Variants in MCTP1 observed in about 807,000 individuals in gnomAD.
The protein encoded by MCTP1 is multiple C2 and transmembrane domain-containing protein 1.
MCTP1 carries 69 observed loss-of-function variants against 120.6 expected under a neutral mutation model. That is an observed-to-expected ratio of 0.57 (90% CI 0.47 to 0.70). The LOEUF (loss-of-function observed/expected upper bound fraction) is 0.70. MCTP1 is among the 30% of genes least tolerant of loss of function. The pLI is 0.00. For missense variants in MCTP1, 1,203 were observed against 1,248.8 expected (o/e 0.96, Z 0.55); for synonymous variants, 529 against 493.1 (o/e 1.07, Z -0.96).
chr5:94,743,786 T>C (rs557942594), intron 19 of MCTP1, among the ~76,000 whole-genome samples: 61 of 151,944 alleles, frequency 4.0e-4, no homozygotes, highest in South Asian at 4.0e-3. Context: ...TACAGGCACC[T>C]GCCACCACAC....
At chr5:94,981,135 T>C (rs1417165489) in intron 2 of MCTP1, among the ~76,000 whole-genome samples, 2 of 152,132 alleles carry the variant, frequency 1.3e-5, no homozygotes, top group Non-Finnish European at 2.9e-5. Flanking sequence ...AGTATAGTGG[T>C]AGGTGGTGTG....
At chr5:94,785,572 T>TAC (rs1777497888) in intron 18 of MCTP1, among the ~76,000 whole-genome samples, 1 of 152,140 alleles carries the variant, frequency 6.6e-6, no homozygotes, top group African/African-American at 2.4e-5. Context: ...ACCACGAATC[T>TAC]ACTTTATAAA....
intron 12 of MCTP1, among the ~76,000 whole-genome samples, chr5:94,879,928 G>T (rs1459921745): frequency 1.3e-5 from 2 of 152,032 alleles, no homozygotes; most frequent in Non-Finnish European, 2.9e-5. Flanking sequence ...TTACAGAATT[G>T]TGTGTAACTA....
intron 18 of MCTP1, among the ~76,000 whole-genome samples, chr5:94,783,543 C>T (rs994774736): frequency 6.6e-6 from 1 of 151,682 alleles, no homozygotes; most frequent in East Asian, 1.9e-4. Flanking sequence ...ATTATTCTCC[C>T]GGAACAAAAA....
At chr5:95,221,576 C>T (rs1753701697) in intron 1 of MCTP1, among the ~76,000 whole-genome samples, 2 of 152,214 alleles carry the variant, frequency 1.3e-5, no homozygotes, top group African/African-American at 4.8e-5. Flanking sequence ...ACTGACATCA[C>T]CACTACCATG....
chr5:95,014,694 A>T (rs528640268), intron 2 of MCTP1, among the ~76,000 whole-genome samples: 14 of 152,242 alleles, frequency 9.2e-5, no homozygotes, highest in African/African-American at 3.4e-4. Flanking sequence ...TCTCTATTTT[A>T]TTCCTTTAGA....
intron 1 of MCTP1, among the ~76,000 whole-genome samples, chr5:95,077,073 T>C (rs1276744578): frequency 1.3e-5 from 2 of 152,222 alleles, no homozygotes; most frequent in African/African-American, 4.8e-5. Flanking sequence ...AATTGACTAA[T>C]TGTGCCAAAT....
At chr5:94,926,160 C>A (rs1813062372) in intron 6 of MCTP1, among the ~76,000 whole-genome samples, 1 of 152,032 alleles carries the variant, frequency 6.6e-6, no homozygotes, top group Admixed American at 6.6e-5. Flanking sequence ...AGACAACAAG[C>A]TTTTATTAAA....
chr5:95,202,532 C>T (rs947629528), intron 1 of MCTP1, among the ~76,000 whole-genome samples: 2 of 152,126 alleles, frequency 1.3e-5, no homozygotes, highest in Non-Finnish European at 2.9e-5. Flanking sequence ...TTGGAGAACC[C>T]TGACTAGTAC....
chr5:94,979,631 T>C (rs1828956850), intron 2 of MCTP1: 1 of 152,048 alleles, frequency 6.6e-6, no homozygotes, highest in Admixed American at 6.6e-5. Context: ...ATTTTAAGCC[T>C]GGCCTATAAA....
rs565129250 is a variant in MCTP1 at position 94,880,408 on chromosome 5, A to C, written c.1934-7167T>G. Among the ~76,000 whole-genome samples, 12 of 152,258 alleles carry C rather than the reference A, an allele frequency of 7.9e-5. No homozygotes were observed. The South Asian group carries it at 2.5e-3, about 32-fold the overall frequency. ...TAGCTGGAGAGACCTTTTGCAGTGA[A>C]ATAACTTTTTTATGCTTAAAAAAAT... On this transcript the variant is annotated intron_variant, in intron 12 of 22. Transcript: ENST00000515393.
intron 1 of MCTP1, among the ~76,000 whole-genome samples, chr5:95,025,734 G>C (rs1839139848): frequency 6.6e-6 from 1 of 152,138 alleles, no homozygotes; most frequent in African/African-American, 2.4e-5. Flanking sequence ...AGATAGACTA[G>C]TGGCTCTGGC....
At chr5:94,818,808 C>T (rs780703188) in intron 17 of MCTP1, among the ~76,000 whole-genome samples, 3 of 152,186 alleles carry the variant, frequency 2.0e-5, no homozygotes, top group Non-Finnish European at 4.4e-5. Context: ...CTAGGATGGT[C>T]AGACGGAATG....
chr5:95,043,769 G>A (rs981753887), intron 1 of MCTP1, among the ~76,000 whole-genome samples: 2 of 152,092 alleles, frequency 1.3e-5, no homozygotes, highest in Non-Finnish European at 2.9e-5. Context: ...TTTATGTTAA[G>A]CAATTTTTAA....
intron 1 of MCTP1, among the ~76,000 whole-genome samples, chr5:95,048,318 A>G (rs1745069946): frequency 1.3e-5 from 2 of 152,184 alleles, no homozygotes; most frequent in South Asian, 2.1e-4. Context: ...CTGACTTAAT[A>G]TTTTACCAGA....
chr5:95,061,354 G>GT lies in MCTP1; in HGVS notation c.721-43871dup, dbSNP rs996635002. ...TAGTAAAAAGATTGTCTTTATACAT[G>GT]TTTTTTTTTGTTTTCAATGTACTTT... is the stretch of plus-strand genomic sequence containing the variant. On this transcript the variant is annotated intron_variant, in intron 1 of 22. Transcript: ENST00000515393. Among the ~76,000 whole-genome samples the GT allele has an allele frequency of 2.1e-3, 225 of 107,388 alleles. 1 individual carries two copies. The highest frequency in any genetic ancestry group is 0.011 in the Middle Eastern group (2 of 190). The allele number at this position is 107,388 out of a possible 152,430, so 70.5% of individuals were successfully genotyped here.
intron 1 of MCTP1, among the ~76,000 whole-genome samples, chr5:95,054,176 A>G (rs1336789457): frequency 6.6e-6 from 1 of 152,242 alleles, no homozygotes; most frequent in Non-Finnish European, 1.5e-5. Context: ...ACAATAGAAT[A>G]GAAGAGAACC....
chr5:94,727,437 T>G (rs1762345621), intron 19 of MCTP1, among the ~76,000 whole-genome samples: 1 of 152,228 alleles, frequency 6.6e-6, no homozygotes, highest in South Asian at 2.1e-4. Flanking sequence ...GGTATTTCCT[T>G]TCCAAACAAA....
At chr5:95,210,813 C>T (rs1009263369) in intron 1 of MCTP1, among the ~76,000 whole-genome samples, 13 of 152,102 alleles carry the variant, frequency 8.5e-5, no homozygotes, top group Non-Finnish European at 1.3e-4. Context: ...CGGCTGGTAC[C>T]GGTTGTTCCT....
Sources: allele counts gnomAD v4.1 joint callset (sites outside exome capture counted in the v4.1 genomes callset), GRCh38; gene constraint gnomAD v4.1.1; transcripts MANE v1.5; gene names NCBI Gene and HGNC (gene_info 2026-07-23, HGNC 2026-07-21).